Variants in DMD observed in about 807,000 individuals in gnomAD.
DMD encodes the protein dystrophin, also known as mutant dystrophin.
In DMD, 63 loss-of-function variants were observed where a neutral mutation model predicts 330.1. The observed-to-expected ratio is 0.19, with a 90% CI of 0.16 to 0.24. The LOEUF (loss-of-function observed/expected upper bound fraction) is 0.24. Ranked by LOEUF, DMD falls within the 10% of genes least tolerant of loss-of-function variation. DMD has a pLI of 1.00. For missense variants in DMD, 3,344 were observed against 2,684.1 expected, an observed-to-expected ratio of 1.25 and a Z score of -5.43; for synonymous variants, 1,223 against 959.8, an observed-to-expected ratio of 1.27 and a Z score of -5.07.
chrX:32,540,201 C>T (rs1362766310), intron 17 of DMD, among the ~76,000 whole-genome samples: 1 of 111,093 alleles, frequency 9.0e-6, no homozygotes, highest in African/African-American at 3.3e-5. Flanking sequence ...GTTCCTTACT[C>T]TGATAATTAC....
intron 17 of DMD, among the ~76,000 whole-genome samples, chrX:32,528,905 C>CTT (rs35476358): frequency 5.0e-5 from 3 of 59,856 alleles, no homozygotes; most frequent in African/African-American, 1.3e-4. Flanking sequence ...CAATGTATTT[C>CTT]TTTTTTTTTT....
chrX:32,040,052 C>T (rs149429471), intron 44 of DMD, among the ~76,000 whole-genome samples: 3,166 of 111,914 alleles, frequency 0.028, 42 homozygotes, highest in Non-Finnish European at 0.044. Flanking sequence ...ACATCACATA[C>T]ACTATAAAAT....
chrX:32,388,601 C>A (rs1415592811), intron 32 of DMD, among the ~76,000 whole-genome samples: 1 of 110,104 alleles, frequency 9.1e-6, no homozygotes, highest in Non-Finnish European at 1.9e-5. Flanking sequence ...AATATTTCCC[C>A]ATTCATGATA....
intron 55 of DMD, among the ~76,000 whole-genome samples, chrX:31,579,209 A>T (rs185182794): frequency 8.9e-6 from 1 of 112,431 alleles, no homozygotes; most frequent in Admixed American, 9.4e-5. Context: ...TGTTTCCAAG[A>T]AGTGTGATAA....
intron 44 of DMD, among the ~76,000 whole-genome samples, chrX:32,091,621 C>T (rs1241597137): frequency 4.5e-5 from 5 of 110,859 alleles, no homozygotes. Context: ...CCCATCTAAT[C>T]CACAGGTTTT....
At chrX:32,903,158 A>AAAG (rs1449732016) in intron 2 of DMD, among the ~76,000 whole-genome samples, 1 of 101,250 alleles carries the variant, frequency 9.9e-6, no homozygotes, top group African/African-American at 3.6e-5. Context: ...AAAAAAAAAA[A>AAAG]AAAAAAAGAA....
chrX:32,389,181 G>A (rs890800252), intron 32 of DMD, among the ~76,000 whole-genome samples: 1 of 111,249 alleles, frequency 9.0e-6, no homozygotes, highest in South Asian at 3.7e-4. Context: ...TAGGATTATT[G>A]CAACTACTGT....
At chrX:33,223,509 G>A (rs187185432) in intron 1 of DMD, among the ~76,000 whole-genome samples, 144 of 112,228 alleles carry the variant, frequency 1.3e-3, no homozygotes, top group African/African-American at 4.4e-3. Flanking sequence ...TGATAACGGA[G>A]CAAAGACAAC....
intron 63 of DMD, among the ~76,000 whole-genome samples, chrX:31,242,669 C>T (rs946494361): frequency 1.1e-4 from 12 of 106,245 alleles, no homozygotes; most frequent in Non-Finnish European, 1.5e-4. Context: ...TCTTATACAA[C>T]AGGTAGAAAG....
intron 16 of DMD, 101 bp from the exon 17 acceptor site, chrX:32,545,435 G>T: frequency 1.2e-6 from 1 of 845,628 alleles, no homozygotes; most frequent in Non-Finnish European, 1.7e-6. Flanking sequence ...GTTCTTGCTT[G>T]TTGGTAGATT....
At chrX:31,365,094 C>CAA (rs35244488) in intron 60 of DMD, among the ~76,000 whole-genome samples, 12,481 of 43,945 alleles carry the variant, frequency 0.28, 1,413 homozygotes, top group Non-Finnish European at 0.34. Flanking sequence ...GACCCCATCT[C>CAA]AAAAAAAAAA....
intron 2 of DMD, among the ~76,000 whole-genome samples, chrX:32,854,240 G>A (rs1369433563): frequency 9.0e-6 from 1 of 111,376 alleles, no homozygotes; most frequent in Non-Finnish European, 1.9e-5. Context: ...GCTGCAGAGT[G>A]TACATTCCTC....
chrX:32,778,432 C>T (rs2074388568), intron 7 of DMD, among the ~76,000 whole-genome samples: 2 of 110,513 alleles, frequency 1.8e-5, no homozygotes, highest in South Asian at 3.8e-4. Context: ...AGAAACTGAA[C>T]AGAAAAAAAA....
At chrX:33,044,525 T>A (rs1264495629) in intron 1 of DMD, among the ~76,000 whole-genome samples, 2 of 112,221 alleles carry the variant, frequency 1.8e-5, no homozygotes, top group African/African-American at 6.5e-5. Context: ...TGCACATTGA[T>A]TTAACTTCGG....
chrX:31,761,729 G>T (rs1319134976), intron 51 of DMD, among the ~76,000 whole-genome samples: 12 of 112,346 alleles, frequency 1.1e-4, no homozygotes, highest in African/African-American at 3.6e-4. Context: ...GAGGCAGAAA[G>T]ATAGACATGA....
rs41309715 is a variant in DMD at position 32,565,706 on chromosome X, G to A, written c.1988C>T (p.Ala663Val). ...ATGATAATTGGTATCACTAACCTGT[G>A]CTGTACTCTTTTCAAGTTTTTGGAC... ...NLVQKLEKST[A>V]QISQAVTTTQ... is the part of the protein sequence containing the mutation. Residue 663 changes from alanine to valine, a missense_variant, in exon 16 of 79, where the codon GCA (alanine) becomes GTA (valine). Ala to Val is a moderately conservative substitution (Grantham distance 64). Transcript: ENST00000357033. 6.6e-5 allele frequency: 80 copies of A among 1,208,716 alleles called. No homozygotes were observed. The highest frequency in any genetic ancestry group is 8.7e-5 in the Non-Finnish European group (78 of 893,909).
intron 43 of DMD, among the ~76,000 whole-genome samples, chrX:32,245,113 T>C (rs201681423): frequency 2.9e-3 from 249 of 84,658 alleles, no homozygotes; most frequent in East Asian, 0.012. Flanking sequence ...TTTAAATCTT[T>C]AATCCATCTT....
chrX:32,238,735 A>G (rs1339383147), intron 43 of DMD, among the ~76,000 whole-genome samples: 1 of 111,667 alleles, frequency 9.0e-6, no homozygotes, highest in Admixed American at 9.5e-5. Flanking sequence ...CCTTTCTGCT[A>G]TTTTCCATGG....
At chrX:31,515,086 T>C (rs1213755802) in intron 55 of DMD, among the ~76,000 whole-genome samples, 2 of 111,338 alleles carry the variant, frequency 1.8e-5, no homozygotes, top group Non-Finnish European at 3.8e-5. Flanking sequence ...GAATGATCCA[T>C]GGTGTTCATA....
Sources: allele counts gnomAD v4.1 joint callset (sites outside exome capture counted in the v4.1 genomes callset), GRCh38; gene constraint gnomAD v4.1.1; transcripts MANE v1.5; gene names NCBI Gene and HGNC (gene_info 2026-07-23, HGNC 2026-07-21).